DCAF10: variants seen among roughly 807,000 people sequenced by gnomAD.
The protein encoded by DCAF10 is DDB1 and CUL4 associated factor 10, also known as DDB1- and CUL4-associated factor 10.
Under a neutral mutation model 51.9 loss-of-function variants are expected in DCAF10, and 19 were observed. The ratio of observed to expected loss-of-function variants is 0.37; its 90% CI spans 0.26 to 0.54. DCAF10 has a LOEUF of 0.54. DCAF10 is among the 20% of genes least tolerant of loss of function. DCAF10 has a pLI of 0.87. For synonymous variants in DCAF10, 291 were observed against 297.1 expected (o/e 0.98, Z 0.21); for missense variants, 510 against 730.6 (o/e 0.70, Z 3.48).
At position 37,861,244 on chromosome 9, in the gene DCAF10, G is replaced by A; in HGVS notation, c.1416G>A (p.Arg472=). The A allele has an allele frequency of 3.1e-6, 5 of 1,614,124 alleles. No individual in the cohort carries two copies. The highest frequency in any genetic ancestry group is 4.2e-6 in the Non-Finnish European group (5 of 1,180,018). Residue 472 remains arginine, a synonymous_variant, in exon 7 of 7, where the codon AGG becomes AGA. Transcript: ENST00000377724. The surrounding 1 kb of genome is among the most constrained non-coding windows in gnomAD (Gnocchi z 4.9). ...THYIEEANVG[R]GYIKELCFSP... Reference sequence around the variant, plus strand: ...ACATTGAAGAAGCCAATGTAGGCAGGGGTTACATCAAAGAACTTTGCTTCA... The same window carrying A: ...ACATTGAAGAAGCCAATGTAGGCAGAGGTTACATCAAAGAACTTTGCTTCA...
chr9:37,861,521 TCAAATAAGGAA>T lies in DCAF10; in HGVS notation c.*15_*25del. On this transcript the variant is annotated 3_prime_UTR_variant, in exon 7 of 7. Coordinates refer to ENST00000377724, the MANE Select transcript of DCAF10 (RefSeq NM_024345.5). This position sits in a 1 kb window ranked among gnomAD's most constrained non-coding sequence, Gnocchi z 4.9. ...GCCAAAGTTTTAGGCACAACTTACA[TCAAATAAGGAA>T]CTCTTCTGGTGTTTGACTTAGGAAT... 6.3e-7 allele frequency: 1 copy of T among 1,596,858 alleles called. No individual in the cohort carries two copies. The highest frequency in any genetic ancestry group is 1.1e-5 in the South Asian group (1 of 90,150).
intron 3 of DCAF10, among the ~76,000 whole-genome samples, chr9:37,847,519 C>G (rs554684254): frequency 6.6e-6 from 1 of 151,984 alleles, no homozygotes; most frequent in Non-Finnish European, 1.5e-5. Flanking sequence ...TGTGATAAAA[C>G]TAGGCATAAA....
chr9:37,828,170 G>A (rs967214506), intron 2 of DCAF10, among the ~76,000 whole-genome samples: 12 of 152,128 alleles, frequency 7.9e-5, no homozygotes, highest in African/African-American at 2.9e-4. Flanking sequence ...TTACAGGCAT[G>A]AGCCACTGTG....
At position 37,819,336 on chromosome 9, in the gene DCAF10, C is replaced by T; in HGVS notation, c.588C>T (p.Asp196=). 3 of 1,613,838 alleles carry T rather than the reference C, an allele frequency of 1.9e-6. No homozygotes were observed. The highest frequency in any genetic ancestry group is 2.5e-6 in the Non-Finnish European group (3 of 1,179,878). The change falls in exon 2 of 7, where the codon GAC becomes GAT. Residue 196 remains aspartate, a synonymous_variant. Coordinates refer to ENST00000377724, the MANE Select transcript of DCAF10 (RefSeq NM_024345.5). The part of the protein sequence containing the change: ...ACEQTEVLLF[D]PISSKHIKTL... Reference sequence around the variant, plus strand: ...AACAAACTGAAGTTCTGCTTTTTGACCCTATATCTTCAAAGCACATAAAAA... The same window carrying T: ...AACAAACTGAAGTTCTGCTTTTTGATCCTATATCTTCAAAGCACATAAAAA...
chr9:37,837,359 C>T (rs538072084), intron 2 of DCAF10, among the ~76,000 whole-genome samples: 6 of 150,004 alleles, frequency 4.0e-5, no homozygotes, highest in South Asian at 2.1e-4. Flanking sequence ...CTCAGGAGGC[C>T]GAGGCAGGAG....
intron 2 of DCAF10, among the ~76,000 whole-genome samples, chr9:37,834,002 C>T (rs1405245685): frequency 1.3e-5 from 2 of 152,058 alleles, no homozygotes; most frequent in South Asian, 2.1e-4. Flanking sequence ...TGCAGTGGTG[C>T]GATCTCGGCT....
At chr9:37,848,570 G>T (rs1470074704) in intron 3 of DCAF10, among the ~76,000 whole-genome samples, 1 of 152,180 alleles carries the variant, frequency 6.6e-6, no homozygotes, top group Non-Finnish European at 1.5e-5. Flanking sequence ...CTGAGAGTGG[G>T]AACAGAAAGT....
rs1033518261 is a variant in DCAF10, at chr9:37,827,879, T to C, written c.653+8478T>C. Among the ~76,000 whole-genome samples the C allele has an allele frequency of 4.6e-5, 7 of 151,732 alleles. No individual in the cohort carries two copies. The South Asian group carries it at 6.2e-4, about 13-fold the overall frequency. On this transcript the variant is annotated intron_variant, in intron 2 of 6. Transcript: ENST00000377724. ...CTGTGGCATTGGGGACAGAAGTAGC[T>C]GAATATCTTATTTTATTTTATTTTA... is the stretch of plus-strand genomic sequence containing the variant.
chr9:37,835,100 T>C (rs966680031), intron 2 of DCAF10, among the ~76,000 whole-genome samples: 6 of 152,138 alleles, frequency 3.9e-5, no homozygotes, highest in African/African-American at 1.4e-4. Context: ...TCACATAATT[T>C]CTGTCAAATA....
chr9:37,825,649 A>G (rs1414373635), intron 2 of DCAF10, among the ~76,000 whole-genome samples: 1 of 152,212 alleles, frequency 6.6e-6, no homozygotes, highest in East Asian at 1.9e-4. Context: ...GAGTGACAAA[A>G]TAATCTGTAC....
intron 2 of DCAF10, among the ~76,000 whole-genome samples, chr9:37,822,911 T>G (rs117161438): frequency 0.012 from 1,870 of 152,252 alleles, 23 homozygotes; most frequent in Non-Finnish European, 0.021. Flanking sequence ...AAGGCAGCAG[T>G]GAGCTATGAT....
chr9:37,841,967 G>A, intron 2 of DCAF10, 122 bp from the exon 3 acceptor site: 1 of 808,312 alleles, frequency 1.2e-6, no homozygotes, highest in East Asian at 2.7e-5. Context: ...GGTTTACATA[G>A]TGAGTGTGTA....
intron 1 of DCAF10, among the ~76,000 whole-genome samples, chr9:37,804,194 AAC>A (rs141384350): frequency 0.043 from 6,540 of 151,652 alleles, 475 homozygotes; most frequent in African/African-American, 0.15. Flanking sequence ...GAGATTTAGT[AAC>A]ACAGAGCATA....
chr9:37,847,782 T>C (rs1441413769), intron 3 of DCAF10, among the ~76,000 whole-genome samples: 1 of 152,212 alleles, frequency 6.6e-6, no homozygotes, highest in Non-Finnish European at 1.5e-5. Flanking sequence ...AGAAATCCAC[T>C]AGACCTAATA....
intron 2 of DCAF10, among the ~76,000 whole-genome samples, chr9:37,833,820 G>C (rs1367278973): frequency 6.6e-6 from 1 of 152,120 alleles, no homozygotes; most frequent in Non-Finnish European, 1.5e-5. Context: ...CATATCGAAG[G>C]ATTTGTCTAA....
chr9:37,836,648 A>G (rs554660108), intron 2 of DCAF10, among the ~76,000 whole-genome samples: 1 of 152,348 alleles, frequency 6.6e-6, no homozygotes, highest in East Asian at 1.9e-4. Flanking sequence ...ACTTTGACTC[A>G]AAGCGGAAAG....
rs551901331 is a variant in DCAF10 at position 37,801,507 on chromosome 9, C to T, written c.539+102C>T. 5.2e-4 allele frequency: 680 copies of T among 1,307,918 alleles called. No individual in the cohort carries two copies. Among genetic ancestry groups the T allele is most frequent in the Admixed American group, 1.5e-3 (36 of 23,964 alleles). 81.0% of individuals were successfully genotyped at this position (1,307,918 alleles called of 1,614,324 possible). On this transcript the variant is annotated intron_variant, in intron 1 of 6. Transcript: ENST00000377724. This position sits in a 1 kb window ranked among gnomAD's most constrained non-coding sequence, Gnocchi z 5.5. Reference sequence around the variant, plus strand: ...CTCCCCGCGCCCGGGCCGAGGTTAGCGAGGCCGTTTGGGGCCGCTGGCCTT... The same window carrying T: ...CTCCCCGCGCCCGGGCCGAGGTTAGTGAGGCCGTTTGGGGCCGCTGGCCTT...
intron 3 of DCAF10, among the ~76,000 whole-genome samples, chr9:37,847,955 A>G (rs1830526804): frequency 6.6e-6 from 1 of 152,230 alleles, no homozygotes; most frequent in South Asian, 2.1e-4. Context: ...AGATTTGTAC[A>G]CTGAAATCTA....
At chr9:37,836,010 G>A (rs923768101) in intron 2 of DCAF10, 4 of 1,003,430 alleles carry the variant, frequency 4.0e-6, no homozygotes, top group African/African-American at 3.2e-5. Context: ...AGAGGCGCCG[G>A]CACACGGCCC....
Sources: gnomAD v4.1 joint callset for allele counts (sites outside exome capture counted in the v4.1 genomes callset) on GRCh38, gnomAD v4.1.1 for gene constraint, Gnocchi (gnomAD v3.1) non-coding constraint, MANE v1.5 for transcripts, NCBI Gene and HGNC (gene_info 2026-07-23, HGNC 2026-07-21) for gene names.